MAP3K19: variants seen among roughly 807,000 people sequenced by gnomAD.
The protein encoded by MAP3K19 is mitogen-activated protein kinase kinase kinase 19.
MAP3K19 carries 91 observed loss-of-function variants against 114.4 expected under a neutral mutation model. The observed-to-expected ratio is 0.80, with a 90% CI of 0.67 to 0.95. The LOEUF is 0.95. Ranked by LOEUF, MAP3K19 falls within the 40% of genes least tolerant of loss-of-function variation. The pLI, the probability that MAP3K19 is intolerant of heterozygous loss-of-function variation, is 0.00. For synonymous variants in MAP3K19, 518 were observed against 530.5 expected (o/e 0.98, Z 0.32); for missense variants, 1,471 against 1,573.2 (o/e 0.94, Z 1.10).
intron 9 of MAP3K19, among the ~76,000 whole-genome samples, chr2:134,990,861 TAATC>T (rs1199293189): frequency 6.6e-6 from 1 of 152,204 alleles, no homozygotes; most frequent in African/African-American, 2.4e-5. Flanking sequence ...ATGTGTGTGT[TAATC>T]AACTGTTTAT....
At chr2:135,001,389 T>C (rs1189801167) in intron 6 of MAP3K19, among the ~76,000 whole-genome samples, 1 of 152,214 alleles carries the variant, frequency 6.6e-6, no homozygotes, top group African/African-American at 2.4e-5. Flanking sequence ...AAAGAGGCTA[T>C]CACCAGACTA....
chr2:135,008,546 T>A (rs893052488), intron 5 of MAP3K19, among the ~76,000 whole-genome samples: 2 of 152,170 alleles, frequency 1.3e-5, no homozygotes, highest in Non-Finnish European at 2.9e-5. Context: ...TACCCCAATT[T>A]TGCATTATTT....
rs1391054740 is a variant in MAP3K19 at position 135,033,219 on chromosome 2, C to G, written c.-283-2719G>C. ...GCAGAGGCGCCCCTCATCTCCCAGA[C>G]GAGGCGGCTGGCCGGGCGGGGGGCT... On this transcript the variant is annotated intron_variant, in intron 2 of 12. Transcript: ENST00000392915. Among the ~76,000 whole-genome samples the G allele has an allele frequency of 2.0e-4, 22 of 110,044 alleles. 1 individual carries two copies. Among genetic ancestry groups the G allele is most frequent in the Non-Finnish European group, 3.4e-4 (20 of 58,184 alleles). The allele number at this position is 110,044 out of a possible 152,430, so 72.2% of individuals were successfully genotyped here.
At chr2:135,029,790 A>G (rs1688339037) in intron 3 of MAP3K19, among the ~76,000 whole-genome samples, 1 of 152,214 alleles carries the variant, frequency 6.6e-6, no homozygotes, top group Non-Finnish European at 1.5e-5. Context: ...TTGCTTTGGG[A>G]AAAAGTATCT....
intron 6 of MAP3K19, among the ~76,000 whole-genome samples, chr2:135,000,327 A>C (rs1686351336): frequency 1.3e-5 from 2 of 152,246 alleles, no homozygotes; most frequent in African/African-American, 4.8e-5. Flanking sequence ...AACGACACCT[A>C]TCTCCCAGAA....
In MAP3K19 at chr2:134,998,936, T is replaced by C. The variant is rs6715812; in HGVS notation, c.376A>G (p.Ile126Val). The C allele has an allele frequency of 1.2e-6, 2 of 1,614,224 alleles. No individual in the cohort carries two copies. The highest frequency in any genetic ancestry group is 1.7e-5 in the Admixed American group (1 of 60,026). ...QAHAVSHPNE[I>V]ETVELRKKKL... ...TTTTTCCTGAGCTCCACCGTTTCTA[T>C]TTCATTTGGATGAGAAACTGCATGT... The change falls in exon 8 of 13, where the codon ATA (isoleucine) becomes GTA (valine). Residue 126 changes from isoleucine to valine, a missense_variant. Ile to Val is a conservative substitution (Grantham distance 29, BLOSUM62 3). Coordinates refer to ENST00000392915, the MANE Select transcript of MAP3K19 (RefSeq NM_025052.5).
chr2:134,983,534 T>A (rs562466851), intron 11 of MAP3K19, 142 bp downstream of exon 11: 1 of 643,660 alleles, frequency 1.6e-6, no homozygotes, highest in Non-Finnish European at 2.7e-6. Flanking sequence ...TTGGATTTTC[T>A]GTTACTTCCA....
At position 134,964,909 on chromosome 2, in the gene MAP3K19, G is replaced by C; in HGVS notation, c.3928C>G (p.His1310Asp). The change falls in exon 13 of 13, where the codon CAT becomes GAT. Residue 1310 changes from histidine (H) to aspartate (D), a missense_variant. Coordinates refer to ENST00000392915, the MANE Select transcript of MAP3K19 (RefSeq NM_025052.5). ...AGCTGGAGAGCAGAAGGTCGCTCAT[G>C]CTGGTCCCTAAGAAGGGAAAAACAC... is the stretch of plus-strand genomic sequence containing the variant. ...FVRMCLTRDQ[H>D]ERPSALQLLK... The C allele has an allele frequency of 6.2e-7, 1 of 1,612,436 alleles. No homozygotes were observed. Among genetic ancestry groups the C allele is most frequent in the South Asian group, 1.1e-5 (1 of 90,732 alleles).
intron 4 of MAP3K19, 24 bp downstream of exon 4, chr2:135,024,602 T>C (rs746481910): frequency 9.6e-5 from 155 of 1,609,070 alleles, no homozygotes; most frequent in Middle Eastern, 1.6e-4. Flanking sequence ...TGGGAAATTA[T>C]GCATGTGGAG....
Position 134,987,128 on chromosome 2 carries a change from G to A in MAP3K19, c.1744C>T (p.Pro582Ser), listed in dbSNP as rs201891083. The A allele has an allele frequency of 1.2e-6, 2 of 1,613,908 alleles. No individual in the cohort carries two copies. The highest frequency in any genetic ancestry group is 1.3e-5 in the African/African-American group (1 of 74,968). ...AACCTGGGCAATTGCCAAGGCCTGG[G>A]GTCCACAAGTCCCAAAGCCGGGAAA... ...QIFPALGLVD[P>S]RPWQLPRFQK... is the part of the protein sequence containing the mutation. The change falls in exon 10 of 13, where the codon CCC becomes TCC. Residue 582 changes from proline to serine, a missense_variant. Transcript: ENST00000392915.
At chr2:134,966,351 A>T (rs1683345544) in intron 12 of MAP3K19, among the ~76,000 whole-genome samples, 1 of 152,008 alleles carries the variant, frequency 6.6e-6, no homozygotes, top group Non-Finnish European at 1.5e-5. Flanking sequence ...ATTAATTTAC[A>T]TTCACACCCA....
intron 8 of MAP3K19, among the ~76,000 whole-genome samples, chr2:134,992,901 G>A (rs985367189): frequency 3.9e-5 from 6 of 152,030 alleles, no homozygotes; most frequent in Admixed American, 2.0e-4. Flanking sequence ...GGCTGGTCTC[G>A]AACACTTGAC....
chr2:134,999,811 C>G lies in MAP3K19; in HGVS notation c.314+126G>C. 1 of 689,680 alleles carries G rather than the reference C, an allele frequency of 1.4e-6. No individual in the cohort carries two copies. Among genetic ancestry groups the G allele is most frequent in the East Asian group, 2.7e-5 (1 of 36,748 alleles). The allele number at this position is 689,680 out of a possible 1,614,324, so 42.7% of individuals were successfully genotyped here. ...TTTATGATCTGGCCTCTGCCACATA[C>G]TATTTATTGTGACCTCTACTTTTAA... On this transcript the variant is annotated intron_variant, in intron 7 of 12. Transcript: ENST00000392915. This position sits in a 1 kb window ranked among gnomAD's most constrained non-coding sequence, Gnocchi z 4.1.
chr2:134,982,236 A>AGT (rs1158025668), intron 11 of MAP3K19, among the ~76,000 whole-genome samples: 1 of 144,140 alleles, frequency 6.9e-6, no homozygotes, highest in Admixed American at 7.2e-5. Flanking sequence ...CTCCTGCCTC[A>AGT]GTGTCCTGAG....
intron 12 of MAP3K19, among the ~76,000 whole-genome samples, chr2:134,970,877 A>G (rs141451668): frequency 0.019 from 2,842 of 152,266 alleles, 90 homozygotes; most frequent in African/African-American, 0.065. Context: ...GATTACAGGC[A>G]TGAGCCACTG....
chr2:135,027,690 C>A (rs1445127492), intron 3 of MAP3K19, among the ~76,000 whole-genome samples: 2 of 152,200 alleles, frequency 1.3e-5, no homozygotes, highest in Non-Finnish European at 2.9e-5. Flanking sequence ...TCTTCAGATG[C>A]CTTTAAAAAC....
At chr2:135,043,040 A>T (rs1051066558) in intron 1 of MAP3K19, among the ~76,000 whole-genome samples, 1 of 151,870 alleles carries the variant, frequency 6.6e-6, no homozygotes, top group Non-Finnish European at 1.5e-5. Flanking sequence ...CCGAGATCAA[A>T]CCACTGCGCT....
chr2:135,006,856 A>G (rs550058733), intron 5 of MAP3K19, among the ~76,000 whole-genome samples: 3 of 150,582 alleles, frequency 2.0e-5, no homozygotes, highest in African/African-American at 7.4e-5. Context: ...GAGAAAAAAG[A>G]AAAGAAGAAG....
rs371488702 is a variant in MAP3K19, at chr2:134,993,412, A to T, written c.575-1832T>A. 3.3e-5 allele frequency among the ~76,000 whole-genome samples: 5 copies of T among 152,298 alleles called. No homozygotes were observed. The South Asian group carries it at 1.0e-3, about 32-fold the overall frequency. ...CAGCTGGCCATGGCACCTCCCCTTC[A>T]TTCTTAATGCATTTACTCAACAATT... is the stretch of plus-strand genomic sequence containing the variant. On this transcript the variant is annotated intron_variant, in intron 8 of 12. Coordinates refer to ENST00000392915, the MANE Select transcript of MAP3K19 (RefSeq NM_025052.5).
Sources: gnomAD v4.1 joint callset for allele counts (sites outside exome capture counted in the v4.1 genomes callset) on GRCh38, gnomAD v4.1.1 for gene constraint, Gnocchi (gnomAD v3.1) non-coding constraint, MANE v1.5 for transcripts, NCBI Gene and HGNC (gene_info 2026-07-23, HGNC 2026-07-21) for gene names.